Variants in ZSCAN5A observed in about 807,000 individuals in gnomAD.
ZSCAN5A encodes the protein zinc finger and SCAN domain-containing protein 5A.
ZSCAN5A carries 12 observed loss-of-function variants against 23.7 expected under a neutral mutation model. The ratio of observed to expected loss-of-function variants is 0.51; its 90% CI spans 0.32 to 0.82. The LOEUF is 0.82. Ranked by LOEUF, ZSCAN5A falls within the 40% of genes least tolerant of loss-of-function variation. The probability of loss-of-function intolerance (pLI) is 0.03; values close to 1 mark genes in which losing one functional copy is unlikely to be tolerated. For synonymous variants in ZSCAN5A, 257 were observed against 239.9 expected (o/e 1.07, Z -0.66); for missense variants, 597 against 617.9 (o/e 0.97, Z 0.36).
At position 56,221,717 on chromosome 19, in the gene ZSCAN5A, G is replaced by C. The variant is rs2033194980; in HGVS notation, c.1349C>G (p.Thr450Ser). The change falls in exon 6 of 6, where the codon ACC (threonine) becomes AGC (serine). Residue 450 changes from threonine to serine, a missense_variant. By Grantham distance (58) the Thr-to-Ser change is moderately conservative. This residue lies in a region of ZSCAN5A where 87 missense variants were observed against 74.4 expected (regional missense o/e 1.17). Coordinates refer to ENST00000683990, the MANE Select transcript of ZSCAN5A (RefSeq NM_001322064.3). The stretch of plus-strand genomic sequence containing the variant: ...GTGCTCCTTCAGGCTCCCCCTGTAG[G>C]TGAAAACTTTCTTGCAGTCTTTACA... ...FECKDCKKVFTYRGSLKEHQR... is the reference protein window; with the variant it reads ...FECKDCKKVFSYRGSLKEHQR... 4 of 1,614,196 alleles carry C rather than the reference G, an allele frequency of 2.5e-6. No individual in the cohort carries two copies. Among genetic ancestry groups the C allele is most frequent in the Non-Finnish European group, 3.4e-6 (4 of 1,180,038 alleles).
At chr19:56,331,848 A>G (rs1454769360) in intron 2 of ZSCAN5A, among the ~76,000 whole-genome samples, 1 of 151,960 alleles carries the variant, frequency 6.6e-6, no homozygotes, top group Non-Finnish European at 1.5e-5. Context: ...GGCCTCCCAA[A>G]GTGCTGGGAT....
chr19:56,268,846 G>T (rs1290064125), intron 2 of ZSCAN5A, among the ~76,000 whole-genome samples: 2 of 152,032 alleles, frequency 1.3e-5, no homozygotes, highest in Admixed American at 1.3e-4. Flanking sequence ...GGATTTACTT[G>T]TTCTGGATAT....
intron 2 of ZSCAN5A, among the ~76,000 whole-genome samples, chr19:56,309,506 A>G (rs2040897823): frequency 6.6e-6 from 1 of 152,236 alleles, no homozygotes; most frequent in Admixed American, 6.5e-5. Context: ...ACTTTATTAA[A>G]AGGGATGCAG....
At chr19:56,304,225 G>A (rs1010565472) in intron 2 of ZSCAN5A, among the ~76,000 whole-genome samples, 3 of 152,228 alleles carry the variant, frequency 2.0e-5, no homozygotes, top group African/African-American at 7.2e-5. Flanking sequence ...GATGAGAGCC[G>A]TGCAGCAGTT....
chr19:56,281,151 AT>A (rs1204220381), intron 2 of ZSCAN5A, among the ~76,000 whole-genome samples: 1 of 152,162 alleles, frequency 6.6e-6, no homozygotes, highest in African/African-American at 2.4e-5. Context: ...AAGAGAAAAT[AT>A]GTTTACTCTT....
chr19:56,287,639 C>A (rs1489103915), intron 2 of ZSCAN5A, among the ~76,000 whole-genome samples: 1 of 152,150 alleles, frequency 6.6e-6, no homozygotes, highest in African/African-American at 2.4e-5. Flanking sequence ...TCGAATGTAG[C>A]CACTGTCAGG....
chr19:56,237,336 C>G (rs1469090459), intron 2 of ZSCAN5A, among the ~76,000 whole-genome samples: 3 of 152,130 alleles, frequency 2.0e-5, no homozygotes, highest in Admixed American at 2.0e-4. Context: ...TGAGGAGGAT[C>G]CACACCGCCA....
chr19:56,342,688 G>T (rs1424887940), intron 2 of ZSCAN5A: 2 of 610,724 alleles, frequency 3.3e-6, no homozygotes, highest in East Asian at 5.6e-5. Context: ...GGGTGAACAT[G>T]AAGTAACTAT....
intron 2 of ZSCAN5A, among the ~76,000 whole-genome samples, chr19:56,301,155 A>T (rs62124379): frequency 0.41 from 62,183 of 152,066 alleles, 14,478 homozygotes; most frequent in Non-Finnish European, 0.53. Context: ...AGTGAAAGCA[A>T]GTTTATTAAG....
At chr19:56,314,375 GAA>G (rs1156241584) in intron 1 of ZSCAN5A, 3 of 152,074 alleles carry the variant, frequency 2.0e-5, no homozygotes, top group African/African-American at 7.2e-5. Flanking sequence ...GGGAGGGAAG[GAA>G]AAAAGAGTGA....
intron 2 of ZSCAN5A, among the ~76,000 whole-genome samples, chr19:56,239,337 T>C (rs903008876): frequency 6.6e-6 from 1 of 152,236 alleles, no homozygotes; most frequent in East Asian, 1.9e-4. Flanking sequence ...ACTTCCCAAA[T>C]TGTAACCTAA....
chr19:56,299,595 G>T (rs144394478), intron 2 of ZSCAN5A, among the ~76,000 whole-genome samples: 1 of 152,114 alleles, frequency 6.6e-6, no homozygotes, highest in Non-Finnish European at 1.5e-5. Flanking sequence ...GGACCTCCCC[G>T]CAGATAGCAA....
At chr19:56,242,632 G>T (rs952711093) in intron 2 of ZSCAN5A, among the ~76,000 whole-genome samples, 1 of 152,150 alleles carries the variant, frequency 6.6e-6, no homozygotes, top group Non-Finnish European at 1.5e-5. Context: ...CCTTTCGGTT[G>T]CTTCCCCCAC....
chr19:56,363,830 G>A (rs551576225), intron 1 of ZSCAN5A, among the ~76,000 whole-genome samples: 2 of 152,300 alleles, frequency 1.3e-5, no homozygotes, highest in East Asian at 3.9e-4. Context: ...TCAGATGTGT[G>A]AGCAAATAAA....
chr19:56,276,477 G>GA (rs1450347893), intron 2 of ZSCAN5A, among the ~76,000 whole-genome samples: 2 of 147,112 alleles, frequency 1.4e-5, no homozygotes, highest in Non-Finnish European at 3.0e-5. Flanking sequence ...CTGAACACGC[G>GA]AAAAAAATTA....
chr19:56,262,074 T>C (rs2037163930), intron 2 of ZSCAN5A, among the ~76,000 whole-genome samples: 1 of 151,950 alleles, frequency 6.6e-6, no homozygotes, highest in South Asian at 2.1e-4. Flanking sequence ...CAGGCTGGAG[T>C]GCAATCTCAG....
intron 2 of ZSCAN5A, among the ~76,000 whole-genome samples, chr19:56,242,750 G>C (rs1459398211): frequency 6.6e-6 from 1 of 151,430 alleles, no homozygotes; most frequent in Non-Finnish European, 1.5e-5. Context: ...ACTACATTTA[G>C]AACCAAATTT....
rs544866397 is a variant in ZSCAN5A at position 56,221,382 on chromosome 19, T to C, written c.*193A>G. On this transcript the variant is annotated 3_prime_UTR_variant, in exon 6 of 6. Coordinates refer to ENST00000683990, the MANE Select transcript of ZSCAN5A (RefSeq NM_001322064.3). Reference sequence around the variant, plus strand: ...CCAAAATAAACCTATAAGAAAACAATGGACATAATGAAACAGAAAACAAAG... The same window carrying C: ...CCAAAATAAACCTATAAGAAAACAACGGACATAATGAAACAGAAAACAAAG... 3.4e-5 allele frequency: 19 copies of C among 565,214 alleles called. No individual in the cohort carries two copies. The South Asian group carries it at 6.5e-4, about 19-fold the overall frequency. The allele number at this position is 565,214 out of a possible 1,614,324, so 35.0% of individuals were successfully genotyped here. A position where few individuals can be genotyped will look rare whatever the true frequency, so the allele number is the denominator to read the frequency against.
intron 2 of ZSCAN5A, among the ~76,000 whole-genome samples, chr19:56,311,218 G>A (rs1472710652): frequency 6.6e-6 from 1 of 151,970 alleles, no homozygotes; most frequent in East Asian, 1.9e-4. Flanking sequence ...TTAAAAAAAA[G>A]AAAAAGATCA....
Sources: gnomAD v4.1 joint callset for allele counts (sites outside exome capture counted in the v4.1 genomes callset) on GRCh38, gnomAD v4.1.1 for gene constraint, gnomAD v4.1.1 regional missense constraint, MANE v1.5 for transcripts, NCBI Gene and HGNC (gene_info 2026-07-23, HGNC 2026-07-21) for gene names.